Variants in RAB5B observed in about 807,000 individuals in gnomAD.
RAB5B encodes the protein ras-related protein Rab-5B.
A neutral mutation model predicts 28.6 loss-of-function variants in RAB5B; 11 were observed. The ratio of observed to expected loss-of-function variants is 0.38; its 90% CI spans 0.24 to 0.64. The LOEUF is 0.64. Among genes scored for constraint, RAB5B ranks in the 30% least tolerant of loss-of-function variants. RAB5B has a pLI of 0.53. For synonymous variants in RAB5B, 93 were observed against 97.9 expected, an observed-to-expected ratio of 0.95 and a Z score of 0.29; for missense variants, 169 against 265.6, an observed-to-expected ratio of 0.64 and a Z score of 2.53.
At chr12:55,989,234 G>A (rs1042969816) in intron 2 of RAB5B, among the ~76,000 whole-genome samples, 1 of 151,554 alleles carries the variant, frequency 6.6e-6, no homozygotes, top group African/African-American at 2.4e-5. Flanking sequence ...GAGCCACTGC[G>A]CCCAGCCAAT....
intron 1 of RAB5B, among the ~76,000 whole-genome samples, chr12:55,982,475 T>G (rs1205003772): frequency 6.6e-6 from 1 of 152,120 alleles, no homozygotes; most frequent in Non-Finnish European, 1.5e-5. Context: ...TCTTTCTTTT[T>G]CAGAGGTGGG....
In RAB5B at chr12:55,992,234, A is replaced by C. The variant is rs200616190; in HGVS notation, c.*22A>C. On this transcript the variant is annotated 3_prime_UTR_variant, in exon 6 of 6. Coordinates refer to ENST00000360299, the MANE Select transcript of RAB5B (RefSeq NM_002868.4). ...CTGAGGGGGTGGCTAGCAGCAAACA[A>C]GTATGGAGCTAGCACAAGAGCTAAG... 5.7e-6 allele frequency: 9 copies of C among 1,565,888 alleles called. No homozygotes were observed. In the Admixed American group the frequency reaches 1.2e-4, roughly 20 times the overall value.
Position 55,995,997 on chromosome 12 carries a change from A to ATTTTTTTTTTTT in RAB5B, c.*3786_*3787insTTTTTTTTTTTT, listed in dbSNP as rs1432681953. Reference sequence around the variant, plus strand: ...CATATATATATACATATATATATATATATATATTTTTTTTTTAACAACTGG... The same window carrying ATTTTTTTTTTTT: ...CATATATATATACATATATATATATATTTTTTTTTTTTTATATATTTTTTTTTTAACAACTGG... On this transcript the variant is annotated 3_prime_UTR_variant, in exon 6 of 6. Coordinates refer to ENST00000360299, the MANE Select transcript of RAB5B (RefSeq NM_002868.4). The ATTTTTTTTTTTT allele has an allele frequency of 2.0e-5, 2 of 100,438 alleles. No individual in the cohort carries two copies. The highest frequency in any genetic ancestry group is 1.0e-4 in the African/African-American group (2 of 19,286). 6.2% of individuals were successfully genotyped at this position (100,438 alleles called of 1,614,324 possible). A position where few individuals can be genotyped will look rare whatever the true frequency, so the allele number is the denominator to read the frequency against.
At chr12:55,978,397 G>A (rs992027091) in intron 1 of RAB5B, among the ~76,000 whole-genome samples, 6 of 152,040 alleles carry the variant, frequency 3.9e-5, no homozygotes, top group African/African-American at 9.7e-5. Context: ...CCAGCTTCTC[G>A]GGAGGCTGAA....
intron 2 of RAB5B, among the ~76,000 whole-genome samples, chr12:55,988,079 A>G (rs1053899821): frequency 1.3e-5 from 2 of 150,968 alleles, no homozygotes; most frequent in Non-Finnish European, 1.5e-5. Flanking sequence ...AACCCAGGAG[A>G]TGGAGGTTGC....
chr12:55,980,400 G>A (rs1889768859), intron 1 of RAB5B: 2 of 1,539,496 alleles, frequency 1.3e-6, no homozygotes, highest in Non-Finnish European at 1.8e-6. Context: ...AGCTTCCGGG[G>A]TGGGGAGGCA....
At chr12:55,981,785 C>G (rs564628894) in intron 1 of RAB5B, among the ~76,000 whole-genome samples, 1 of 151,456 alleles carries the variant, frequency 6.6e-6, no homozygotes, top group African/African-American at 2.4e-5. Context: ...TTTTATAAGT[C>G]ATTCTTGTAG....
chr12:55,992,580 C>T lies in RAB5B; in HGVS notation c.*368C>T, dbSNP rs773603118. On this transcript the variant is annotated 3_prime_UTR_variant, in exon 6 of 6. Transcript: ENST00000360299. ...AAAACACTTCTGACTCCTGTCCCTTCCCCTTCTGCTTTTGGTCAGTCCCTG... is the reference window on the plus strand; with the variant it reads ...AAAACACTTCTGACTCCTGTCCCTTTCCCTTCTGCTTTTGGTCAGTCCCTG... 5.2e-5 allele frequency: 24 copies of T among 464,288 alleles called. No homozygotes were observed. Among genetic ancestry groups the T allele is most frequent in the South Asian group, 3.7e-4 (24 of 64,350 alleles). 28.8% of individuals were successfully genotyped at this position (464,288 alleles called of 1,614,324 possible). A position where few individuals can be genotyped will look rare whatever the true frequency, so the allele number is the denominator to read the frequency against.
At position 55,993,202 on chromosome 12, in the gene RAB5B, G is replaced by A. The variant is rs1890189772; in HGVS notation, c.*990G>A. On this transcript the variant is annotated 3_prime_UTR_variant, in exon 6 of 6. Transcript: ENST00000360299. ...CACTTTAATTGATGGTAGTTCAGTTGGGGTACTTGTTTTATGGAAGTTTTG... is the reference window on the plus strand; with the variant it reads ...CACTTTAATTGATGGTAGTTCAGTTAGGGTACTTGTTTTATGGAAGTTTTG... The A allele has an allele frequency of 6.6e-6, 1 of 152,546 alleles. No individual in the cohort carries two copies. The highest frequency in any genetic ancestry group is 2.1e-4 in the South Asian group (1 of 4,824). 9.4% of individuals were successfully genotyped at this position (152,546 alleles called of 1,614,324 possible).
chr12:55,982,408 T>C (rs763276574), intron 1 of RAB5B, among the ~76,000 whole-genome samples: 3 of 152,126 alleles, frequency 2.0e-5, no homozygotes, highest in Non-Finnish European at 4.4e-5. Flanking sequence ...AGATTAAAGA[T>C]CAAAGCTTAG....
chr12:55,987,246 T>C (rs915649305), intron 2 of RAB5B, 123 bp downstream of exon 2: 35 of 958,540 alleles, frequency 3.7e-5, no homozygotes, highest in Non-Finnish European at 9.2e-6. Flanking sequence ...CTGCAACCTC[T>C]GTCTCCCAGG....
rs1555197305 is a variant in RAB5B at position 55,996,004 on chromosome 12, T to TATATATA, written c.*3792_*3793insATATATA. ...ATATACATATATATATATATATATA[T>TATATATA]TTTTTTTTTAACAACTGGTAGGATA... On this transcript the variant is annotated 3_prime_UTR_variant, in exon 6 of 6. Transcript: ENST00000360299. The TATATATA allele has an allele frequency of 1.3e-5, 1 of 79,874 alleles. No individual in the cohort carries two copies. The highest frequency in any genetic ancestry group is 2.9e-5 in the Non-Finnish European group (1 of 34,170). The allele number at this position is 79,874 out of a possible 1,614,324, so 4.9% of individuals were successfully genotyped here.
At chr12:55,984,574 T>G (rs974185065) in intron 1 of RAB5B, among the ~76,000 whole-genome samples, 4 of 152,110 alleles carry the variant, frequency 2.6e-5, no homozygotes, top group Non-Finnish European at 4.4e-5. Context: ...CCTTCTGGGT[T>G]TAAGCGATTC....
chr12:55,977,353 G>T (rs1174933724), intron 1 of RAB5B, among the ~76,000 whole-genome samples: 1 of 152,166 alleles, frequency 6.6e-6, no homozygotes, highest in Non-Finnish European at 1.5e-5. Flanking sequence ...GAGTTTAGGA[G>T]TAGAATTATC....
Position 55,995,983 on chromosome 12 carries a change from A to G in RAB5B, c.*3771A>G, listed in dbSNP as rs530993350. ...ACTCTCTCTCTCTCCATATATATAT[A>G]CATATATATATATATATATATTTTT... On this transcript the variant is annotated 3_prime_UTR_variant, in exon 6 of 6. Coordinates refer to ENST00000360299, the MANE Select transcript of RAB5B (RefSeq NM_002868.4). The G allele has an allele frequency of 9.5e-5, 10 of 105,414 alleles. No individual in the cohort carries two copies. The East Asian group carries it at 2.3e-3, about 24-fold the overall frequency. 6.5% of individuals were successfully genotyped at this position (105,414 alleles called of 1,614,324 possible).
At position 55,995,684 on chromosome 12, in the gene RAB5B, G is replaced by A. The variant is rs1890267456; in HGVS notation, c.*3472G>A. 1 of 152,072 alleles carries A rather than the reference G, an allele frequency of 6.6e-6. No homozygotes were observed. Among genetic ancestry groups the A allele is most frequent in the Non-Finnish European group, 1.5e-5 (1 of 68,028 alleles). 9.4% of individuals were successfully genotyped at this position (152,072 alleles called of 1,614,324 possible). On this transcript the variant is annotated 3_prime_UTR_variant, in exon 6 of 6. Transcript: ENST00000360299. ...GTGCCAGACAAATCTGACATTCTAGGCCTGTCTCTGTCAACTTAACCAGCT... is the reference window on the plus strand; with the variant it reads ...GTGCCAGACAAATCTGACATTCTAGACCTGTCTCTGTCAACTTAACCAGCT...
chr12:55,982,829 A>G (rs74901022), intron 1 of RAB5B, among the ~76,000 whole-genome samples: 1 of 152,340 alleles, frequency 6.6e-6, no homozygotes, highest in East Asian at 1.9e-4. Flanking sequence ...ATGTTTAGCC[A>G]TGAGAATTCA....
chr12:55,996,003 A>ATATATATATTTTTTTTTTTTTTTT lies in RAB5B; in HGVS notation c.*3792_*3793insATATATATTTTTTTTTTTTTTTTT. On this transcript the variant is annotated 3_prime_UTR_variant, in exon 6 of 6. Transcript: ENST00000360299. ...TATATACATATATATATATATATAT[A>ATATATATATTTTTTTTTTTTTTTT]TTTTTTTTTTAACAACTGGTAGGAT... 1 of 97,408 alleles carries ATATATATATTTTTTTTTTTTTTTT rather than the reference A, an allele frequency of 1.0e-5. No homozygotes were observed. The highest frequency in any genetic ancestry group is 4.7e-5 in the African/African-American group (1 of 21,150). The allele number at this position is 97,408 out of a possible 1,614,324, so 6.0% of individuals were successfully genotyped here.
At chr12:55,977,643 A>G (rs1209091519) in intron 1 of RAB5B, among the ~76,000 whole-genome samples, 1 of 152,192 alleles carries the variant, frequency 6.6e-6, no homozygotes, top group Non-Finnish European at 1.5e-5. Flanking sequence ...AAGGTAACCA[A>G]AGTGTGAGAC....
Sources: allele counts gnomAD v4.1 joint callset (sites outside exome capture counted in the v4.1 genomes callset), GRCh38; gene constraint gnomAD v4.1.1; transcripts MANE v1.5; gene names NCBI Gene and HGNC (gene_info 2026-07-23, HGNC 2026-07-21).